GPC5: variants seen among roughly 807,000 people sequenced by gnomAD.
GPC5 encodes the protein glypican-5.
A neutral mutation model predicts 53.9 loss-of-function variants in GPC5; 47 were observed. The observed-to-expected ratio is 0.87, with a 90% CI of 0.69 to 1.11. The LOEUF is 1.11. GPC5 is among the 50% of genes most tolerant of loss of function. The pLI, the probability that GPC5 is intolerant of heterozygous loss-of-function variation, is 0.00. For missense variants in GPC5, 748 were observed against 713.1 expected, an observed-to-expected ratio of 1.05 and a Z score of -0.56; for synonymous variants, 286 against 263.3, an observed-to-expected ratio of 1.09 and a Z score of -0.84.
At chr13:91,775,049 C>T (rs1012697975) in intron 5 of GPC5, among the ~76,000 whole-genome samples, 3 of 152,000 alleles carry the variant, frequency 2.0e-5, no homozygotes, top group Non-Finnish European at 4.4e-5. Context: ...AGAGAAAACA[C>T]CAGCGCATAG....
At chr13:92,040,797 T>C (rs2040935809) in intron 6 of GPC5, among the ~76,000 whole-genome samples, 1 of 152,196 alleles carries the variant, frequency 6.6e-6, no homozygotes. Context: ...GGGTCTTTAT[T>C]TAGAAGTTTG....
chr13:92,679,865 C>G (rs1458174687), intron 7 of GPC5, among the ~76,000 whole-genome samples: 1 of 152,090 alleles, frequency 6.6e-6, no homozygotes, highest in Non-Finnish European at 1.5e-5. Flanking sequence ...CCTGCGCTCT[C>G]TCTTTTCCTC....
chr13:91,822,496 C>G (rs992721006), intron 5 of GPC5, among the ~76,000 whole-genome samples: 2 of 152,126 alleles, frequency 1.3e-5, no homozygotes, highest in South Asian at 2.1e-4. Context: ...TTTAGAATTT[C>G]AAGATAATAT....
chr13:92,385,422 A>ATATATACG (rs2043789401), intron 7 of GPC5, among the ~76,000 whole-genome samples: 1 of 21,422 alleles, frequency 4.7e-5, no homozygotes, highest in African/African-American at 1.1e-4. Context: ...ATATATATAC[A>ATATATACG]TATATACATA....
At chr13:92,098,078 AG>A (rs2138907016) in intron 6 of GPC5, among the ~76,000 whole-genome samples, 1 of 152,304 alleles carries the variant, frequency 6.6e-6, no homozygotes, top group East Asian at 1.9e-4. Flanking sequence ...TCATGTCACC[AG>A]GGTTTGTTGT....
At chr13:91,904,827 T>G (rs2039536508) in intron 5 of GPC5, among the ~76,000 whole-genome samples, 1 of 152,028 alleles carries the variant, frequency 6.6e-6, no homozygotes, top group Admixed American at 6.6e-5. Flanking sequence ...GTGGAAGCAC[T>G]GGAGCATGAA....
intron 7 of GPC5, among the ~76,000 whole-genome samples, chr13:92,234,559 G>A (rs780798169): frequency 2.6e-5 from 4 of 151,986 alleles, no homozygotes; most frequent in Non-Finnish European, 4.4e-5. Flanking sequence ...ATAAATGAAA[G>A]ACAAAAGGGT....
intron 2 of GPC5, among the ~76,000 whole-genome samples, chr13:91,585,727 T>C (rs2139120187): frequency 6.6e-6 from 1 of 152,286 alleles, no homozygotes; most frequent in East Asian, 1.9e-4. Flanking sequence ...GTCCACTGCT[T>C]ATGTGTGTTA....
At chr13:92,089,186 G>A (rs2041358417) in intron 6 of GPC5, among the ~76,000 whole-genome samples, 1 of 152,210 alleles carries the variant, frequency 6.6e-6, no homozygotes, top group African/African-American at 2.4e-5. Context: ...TGTAATCCCA[G>A]CACTTTGGGA....
intron 6 of GPC5, among the ~76,000 whole-genome samples, chr13:91,936,454 A>G (rs2039872082): frequency 6.6e-6 from 1 of 152,116 alleles, no homozygotes; most frequent in Admixed American, 6.6e-5. Flanking sequence ...TGGGAAAAGT[A>G]ACAAATTAAT....
At chr13:92,573,616 C>T (rs1883102067) in intron 7 of GPC5, among the ~76,000 whole-genome samples, 1 of 151,966 alleles carries the variant, frequency 6.6e-6, no homozygotes, top group South Asian at 2.1e-4. Context: ...CGGTAGAGGG[C>T]GATATAGTGA....
At chr13:92,809,488 G>A (rs1039732777) in intron 7 of GPC5, among the ~76,000 whole-genome samples, 6 of 152,108 alleles carry the variant, frequency 3.9e-5, no homozygotes, top group Non-Finnish European at 2.9e-5. Context: ...CTTGTCCAGG[G>A]TAATAAGACT....
At chr13:92,261,750 G>C (rs1185053746) in intron 7 of GPC5, among the ~76,000 whole-genome samples, 2 of 152,016 alleles carry the variant, frequency 1.3e-5, no homozygotes, top group Non-Finnish European at 2.9e-5. Context: ...GGAAAAAATA[G>C]CTTATTAGTT....
intron 2 of GPC5, among the ~76,000 whole-genome samples, chr13:91,554,471 G>A (rs1190579260): frequency 2.6e-5 from 4 of 152,118 alleles, no homozygotes; most frequent in East Asian, 1.9e-4. Context: ...AAGGGGCAAA[G>A]TTTCAGTTTT....
At chr13:92,477,860 T>C (rs1459129871) in intron 7 of GPC5, among the ~76,000 whole-genome samples, 1 of 152,146 alleles carries the variant, frequency 6.6e-6, no homozygotes, top group Non-Finnish European at 1.5e-5. Context: ...TACATTGCTG[T>C]AACCGGTGTT....
chr13:92,861,468 T>C (rs1249375398), intron 7 of GPC5, among the ~76,000 whole-genome samples: 1 of 152,142 alleles, frequency 6.6e-6, no homozygotes, highest in African/African-American at 2.4e-5. Flanking sequence ...GTGTGTATGA[T>C]AGTACTTATT....
At chr13:91,954,232 T>A (rs531668381) in intron 6 of GPC5, among the ~76,000 whole-genome samples, 57 of 152,260 alleles carry the variant, frequency 3.7e-4, no homozygotes, top group South Asian at 1.0e-3. Flanking sequence ...TCCCAACATA[T>A]TTTATAAAGC....
intron 7 of GPC5, among the ~76,000 whole-genome samples, chr13:92,655,895 AAAC>A (rs1161768234): frequency 2.6e-5 from 4 of 152,222 alleles, no homozygotes; most frequent in African/African-American, 7.2e-5. Flanking sequence ...TAAACTCATC[AAAC>A]TGAAATTTAA....
At chr13:92,851,044 A>G (rs905680086) in intron 7 of GPC5, among the ~76,000 whole-genome samples, 10 of 152,172 alleles carry the variant, frequency 6.6e-5, no homozygotes, top group Non-Finnish European at 1.0e-4. Flanking sequence ...AGCAGAAGGC[A>G]AAAAGGAAGC....
Sources: allele counts gnomAD v4.1 joint callset (sites outside exome capture counted in the v4.1 genomes callset), GRCh38; gene constraint gnomAD v4.1.1; transcripts MANE v1.5; gene names NCBI Gene and HGNC (gene_info 2026-07-23, HGNC 2026-07-21).